FAM83B: variants seen among roughly 807,000 people sequenced by gnomAD.
FAM83B encodes the protein scaffolding CK1 anchoring protein B.
FAM83B carries 26 observed loss-of-function variants against 38.8 expected under a neutral mutation model. The observed-to-expected ratio is 0.67, with a 90% CI of 0.49 to 0.93. The LOEUF (loss-of-function observed/expected upper bound fraction) is 0.93. FAM83B is among the 40% of genes least tolerant of loss of function. The pLI is 0.00. For missense variants in FAM83B, 1,237 were observed against 1,197.3 expected (o/e 1.03, Z -0.49); for synonymous variants, 419 against 423.1 (o/e 0.99, Z 0.12).
intron 1 of FAM83B, among the ~76,000 whole-genome samples, chr6:54,851,647 G>GTT (rs577598548): frequency 0.031 from 2,669 of 86,932 alleles, 217 homozygotes; most frequent in African/African-American, 0.099. Flanking sequence ...TAATTTTTGT[G>GTT]TTTTTTTTTT....
intron 1 of FAM83B, among the ~76,000 whole-genome samples, chr6:54,866,527 T>C (rs976410785): frequency 6.6e-6 from 1 of 152,184 alleles, no homozygotes; most frequent in Non-Finnish European, 1.5e-5. Flanking sequence ...AATGGAATTA[T>C]TCAGCATGTA....
At chr6:54,851,686 C>T (rs1343382732) in intron 1 of FAM83B, among the ~76,000 whole-genome samples, 4 of 113,890 alleles carry the variant, frequency 3.5e-5, no homozygotes, top group East Asian at 2.4e-4. Context: ...CTCGCTCTGT[C>T]GCCCAGGCTG....
At chr6:54,853,770 A>G (rs1391728302) in intron 1 of FAM83B, among the ~76,000 whole-genome samples, 1 of 152,254 alleles carries the variant, frequency 6.6e-6, no homozygotes, top group Non-Finnish European at 1.5e-5. Context: ...ACATGGATCA[A>G]GAAGTGACTT....
chr6:54,864,207 A>G (rs1020724666), intron 1 of FAM83B, among the ~76,000 whole-genome samples: 2 of 152,188 alleles, frequency 1.3e-5, no homozygotes, highest in African/African-American at 4.8e-5. Context: ...TAAGAAGGCA[A>G]ATAGCAGCCA....
chr6:54,908,352 G>A (rs1772823986), intron 2 of FAM83B, among the ~76,000 whole-genome samples: 1 of 151,590 alleles, frequency 6.6e-6, no homozygotes, highest in Admixed American at 6.6e-5. Flanking sequence ...TAATAGATAG[G>A]GTTCTTTCAT....
At position 54,941,550 on chromosome 6, in the gene FAM83B, C is replaced by T; in HGVS notation, c.2579C>T (p.Pro860Leu). 1 of 1,614,034 alleles carries T rather than the reference C, an allele frequency of 6.2e-7. No homozygotes were observed. Among genetic ancestry groups the T allele is most frequent in the Non-Finnish European group, 8.5e-7 (1 of 1,179,994 alleles). Residue 860 changes from proline (P) to leucine (L), a missense_variant, in exon 5 of 5, where the codon CCA (proline) becomes CTA (leucine). Coordinates refer to ENST00000306858, the MANE Select transcript of FAM83B (RefSeq NM_001010872.3). ...TVSPSQEINA[P>L]PDENKRTPSP... The stretch of plus-strand genomic sequence containing the variant: ...AGCCCATCTCAAGAGATAAATGCTC[C>T]ACCAGATGAAAATAAAAGAACACCT...
intron 2 of FAM83B, among the ~76,000 whole-genome samples, chr6:54,902,894 A>C (rs1336106164): frequency 1.3e-5 from 2 of 152,224 alleles, no homozygotes; most frequent in Admixed American, 1.3e-4. Flanking sequence ...TGTTCAGAGT[A>C]ATTGAACCCC....
chr6:54,858,441 CTGTTA>C (rs1159252342), intron 1 of FAM83B, among the ~76,000 whole-genome samples: 1 of 152,160 alleles, frequency 6.6e-6, no homozygotes, highest in Non-Finnish European at 1.5e-5. Flanking sequence ...TTACACTGTT[CTGTTA>C]TATCAAGTTG....
chr6:54,869,207 A>G (rs1222725276), intron 1 of FAM83B, among the ~76,000 whole-genome samples: 1 of 152,204 alleles, frequency 6.6e-6, no homozygotes, highest in Non-Finnish European at 1.5e-5. Flanking sequence ...TTCATCTCGT[A>G]TACTCTGTCC....
chr6:54,886,666 C>T (rs1291179223), intron 2 of FAM83B, among the ~76,000 whole-genome samples: 1 of 151,582 alleles, frequency 6.6e-6, no homozygotes, highest in African/African-American at 2.4e-5. Flanking sequence ...TTTTTCGTGA[C>T]TAGTTTCTTG....
chr6:54,862,028 G>A (rs1420534347), intron 1 of FAM83B, among the ~76,000 whole-genome samples: 2 of 152,176 alleles, frequency 1.3e-5, no homozygotes, highest in Non-Finnish European at 2.9e-5. Context: ...ATACGTGTAA[G>A]AATGCCTTTA....
At chr6:54,866,283 G>T in intron 1 of FAM83B, among the ~76,000 whole-genome samples, 1 of 150,654 alleles carries the variant, frequency 6.6e-6, no homozygotes, top group Admixed American at 6.6e-5. Context: ...TGAGATAATT[G>T]TGGTTTCACA....
chr6:54,867,705 A>G (rs1011372274), intron 1 of FAM83B, among the ~76,000 whole-genome samples: 4 of 152,038 alleles, frequency 2.6e-5, no homozygotes, highest in South Asian at 2.1e-4. Context: ...CAGAGTTTAC[A>G]TAGTTCCAGA....
intron 2 of FAM83B, among the ~76,000 whole-genome samples, chr6:54,905,392 A>G (rs1401374127): frequency 1.3e-5 from 2 of 152,186 alleles, no homozygotes; most frequent in South Asian, 2.1e-4. Context: ...ATACTTGTAT[A>G]TGTTTATCAG....
At chr6:54,928,351 G>C (rs1561928292) in intron 4 of FAM83B, among the ~76,000 whole-genome samples, 1 of 152,202 alleles carries the variant, frequency 6.6e-6, no homozygotes, top group Non-Finnish European at 1.5e-5. Flanking sequence ...AAGTCCATGA[G>C]AAGGAGGTAT....
Position 54,942,740 on chromosome 6 carries a change from C to T in FAM83B, c.*733C>T, listed in dbSNP as rs1242111481. Among the ~76,000 whole-genome samples, 3 of 140,230 alleles carry T rather than the reference C, an allele frequency of 2.1e-5. No individual in the cohort carries two copies. Among genetic ancestry groups the T allele is most frequent in the Non-Finnish European group, 4.4e-5 (3 of 67,898 alleles). 92.0% of individuals were successfully genotyped at this position (140,230 alleles called of 152,430 possible). A position where few individuals can be genotyped will look rare whatever the true frequency, so the allele number is the denominator to read the frequency against. On this transcript the variant is annotated 3_prime_UTR_variant, in exon 5 of 5. Coordinates refer to ENST00000306858, the MANE Select transcript of FAM83B (RefSeq NM_001010872.3). ...AGGCTGCTGATTTTTTATAGTCATT[C>T]CTTACTTCACATTTAGGACAAACCA... is the stretch of plus-strand genomic sequence containing the variant.
intron 2 of FAM83B, among the ~76,000 whole-genome samples, chr6:54,893,013 G>C (rs1772441696): frequency 6.6e-6 from 1 of 151,982 alleles, no homozygotes; most frequent in Non-Finnish European, 1.5e-5. Context: ...GGCTGTTGGG[G>C]TGAGGAGCTG....
At chr6:54,919,684 T>A (rs909864154) in intron 2 of FAM83B, among the ~76,000 whole-genome samples, 38 of 152,106 alleles carry the variant, frequency 2.5e-4, no homozygotes, top group African/African-American at 8.9e-4. Context: ...CTTTGAATAA[T>A]AAGTTGCCAA....
intron 3 of FAM83B, 55 bp downstream of exon 3, chr6:54,926,590 G>A (rs1339910240): frequency 3.6e-6 from 5 of 1,373,728 alleles, no homozygotes; most frequent in Non-Finnish European, 4.9e-6. Flanking sequence ...TTTCAACTCA[G>A]TCAAATGTAA....
Sources: allele counts gnomAD v4.1 joint callset (sites outside exome capture counted in the v4.1 genomes callset), GRCh38; gene constraint gnomAD v4.1.1; transcripts MANE v1.5; gene names NCBI Gene and HGNC (gene_info 2026-07-23, HGNC 2026-07-21).